The following ZNF804B variants were observed in gnomAD, a reference collection of about 807,000 sequenced individuals.
ZNF804B encodes the protein zinc finger protein 804B.
ZNF804B carries 80 observed loss-of-function variants against 101.4 expected under a neutral mutation model. That is an observed-to-expected ratio of 0.79 (90% CI 0.66 to 0.95). ZNF804B has a LOEUF of 0.95. Ranked by LOEUF, ZNF804B falls within the 40% of genes least tolerant of loss-of-function variation. The pLI, the probability that ZNF804B is intolerant of heterozygous loss-of-function variation, is 0.00. For synonymous variants in ZNF804B, 622 were observed against 558.8 expected, an observed-to-expected ratio of 1.11 and a Z score of -1.59; for missense variants, 1,673 against 1,561.9, an observed-to-expected ratio of 1.07 and a Z score of -1.20.
At chr7:88,978,476 C>A (rs1438403831) in intron 1 of ZNF804B, among the ~76,000 whole-genome samples, 2 of 151,738 alleles carry the variant, frequency 1.3e-5, no homozygotes, top group Non-Finnish European at 2.9e-5. Context: ...TTCTTTATCT[C>A]TTCTTACAGT....
chr7:89,264,093 A>G (rs1276338963), intron 2 of ZNF804B, among the ~76,000 whole-genome samples: 1 of 152,088 alleles, frequency 6.6e-6, no homozygotes, highest in Non-Finnish European at 1.5e-5. Flanking sequence ...ACATGTTTAT[A>G]TCCACAACCA....
intron 2 of ZNF804B, among the ~76,000 whole-genome samples, chr7:89,220,153 A>ATATATGTGCG (rs1788980821): frequency 1.3e-4 from 3 of 23,482 alleles, no homozygotes; most frequent in African/African-American, 6.0e-4. Flanking sequence ...GTATATACAT[A>ATATATGTGCG]TATATATACG....
intron 1 of ZNF804B, among the ~76,000 whole-genome samples, chr7:88,923,272 C>T (rs1792751099): frequency 6.6e-6 from 1 of 152,032 alleles, no homozygotes; most frequent in Admixed American, 6.6e-5. Context: ...TGCCATAGAA[C>T]TCTCTGATAA....
intron 1 of ZNF804B, among the ~76,000 whole-genome samples, chr7:89,027,244 C>CAG (rs146841345): frequency 6.8e-4 from 102 of 150,528 alleles, no homozygotes; most frequent in African/African-American, 1.5e-3. Flanking sequence ...GAAAAAAAGC[C>CAG]AGAGAGAGAG....
intron 1 of ZNF804B, among the ~76,000 whole-genome samples, chr7:89,123,117 A>G (rs1394921590): frequency 1.3e-5 from 2 of 150,050 alleles, no homozygotes; most frequent in Admixed American, 1.3e-4. Flanking sequence ...GTAAACTCCT[A>G]GAATATGTAA....
Position 89,147,083 on chromosome 7 carries a change from G to GTATATATA in ZNF804B, c.109-71060_109-71053dup, listed in dbSNP as rs147620052. On this transcript the variant is annotated intron_variant, in intron 1 of 3. Coordinates refer to ENST00000333190, the MANE Select transcript of ZNF804B (RefSeq NM_181646.5). ...TTGTATCAAAAAATAGGATAATCAGGTATATATATATATATATATTTAATG... is the reference window on the plus strand; with the variant it reads ...TTGTATCAAAAAATAGGATAATCAGGTATATATATATATATATATATATATATTTAATG... 7.5e-3 allele frequency among the ~76,000 whole-genome samples: 1,058 copies of GTATATATA among 140,156 alleles called. 17 individuals are homozygous for GTATATATA. The highest frequency in any genetic ancestry group is 0.026 in the African/African-American group (992 of 37,998). 91.9% of individuals were successfully genotyped at this position (140,156 alleles called of 152,430 possible).
intron 1 of ZNF804B, among the ~76,000 whole-genome samples, chr7:89,185,737 G>C (rs965789096): frequency 6.6e-6 from 1 of 151,998 alleles, no homozygotes; most frequent in African/African-American, 2.4e-5. Flanking sequence ...GCTTCTGCCT[G>C]TAATCCCAGC....
chr7:89,296,139 C>G (rs1023868232), intron 2 of ZNF804B, among the ~76,000 whole-genome samples: 4 of 151,934 alleles, frequency 2.6e-5, no homozygotes, highest in Non-Finnish European at 4.4e-5. Context: ...TACCTAAAAG[C>G]TATTGAAACA....
intron 1 of ZNF804B, among the ~76,000 whole-genome samples, chr7:89,187,332 A>G (rs1788389039): frequency 6.6e-6 from 1 of 152,124 alleles, no homozygotes; most frequent in Non-Finnish European, 1.5e-5. Context: ...ATTCTTTCTC[A>G]CCAGTCGATT....
intron 2 of ZNF804B, among the ~76,000 whole-genome samples, chr7:89,279,368 G>C (rs1386271084): frequency 3.3e-5 from 5 of 150,418 alleles, no homozygotes; most frequent in Admixed American, 6.7e-5. Flanking sequence ...AATTGCCCTG[G>C]CCAGAATTTC....
chr7:89,047,670 A>G (rs761435212), intron 1 of ZNF804B, among the ~76,000 whole-genome samples: 5 of 152,176 alleles, frequency 3.3e-5, no homozygotes, highest in Admixed American at 2.0e-4. Flanking sequence ...CACATGTGCA[A>G]TTGAGCTTCA....
chr7:88,842,809 A>T (rs1385827084), intron 1 of ZNF804B, among the ~76,000 whole-genome samples: 1 of 152,158 alleles, frequency 6.6e-6, no homozygotes, highest in Admixed American at 6.5e-5. Flanking sequence ...AAAGAAACTC[A>T]CCTGGTACCC....
At chr7:88,877,668 C>G (rs1469467909) in intron 1 of ZNF804B, among the ~76,000 whole-genome samples, 1 of 152,016 alleles carries the variant, frequency 6.6e-6, no homozygotes, top group Non-Finnish European at 1.5e-5. Context: ...TAGTGTCTAC[C>G]TCATAGAGTG....
At chr7:88,993,630 G>A (rs941666510) in intron 1 of ZNF804B, among the ~76,000 whole-genome samples, 6 of 151,812 alleles carry the variant, frequency 4.0e-5, no homozygotes, top group Non-Finnish European at 7.4e-5. Flanking sequence ...CAGTGCTAAC[G>A]AACAAAGAAA....
chr7:89,285,145 G>C (rs1188605474), intron 2 of ZNF804B, among the ~76,000 whole-genome samples: 1 of 152,000 alleles, frequency 6.6e-6, no homozygotes, highest in Non-Finnish European at 1.5e-5. Context: ...CTTGAGTCCT[G>C]GAGGTTGAGG....
At position 89,277,632 on chromosome 7, in the gene ZNF804B, G is replaced by A. The variant is rs541336667; in HGVS notation, c.250-49712G>A. ...TTTTGTTCTTCCGATACTTTACTGA[G>A]AATGATGATTTCCAATTTCATCCAT... is the stretch of plus-strand genomic sequence containing the variant. On this transcript the variant is annotated intron_variant, in intron 2 of 3. Transcript: ENST00000333190. Among the ~76,000 whole-genome samples the A allele has an allele frequency of 7.2e-4, 108 of 150,854 alleles. 3 individuals carry two copies. In the South Asian group the frequency reaches 0.023, roughly 32 times the overall value.
intron 1 of ZNF804B, among the ~76,000 whole-genome samples, chr7:89,153,781 A>G (rs1236136868): frequency 6.6e-6 from 1 of 152,110 alleles, no homozygotes; most frequent in Admixed American, 6.6e-5. Context: ...GTCTTCAGTT[A>G]TATCAATGCA....
intron 1 of ZNF804B, among the ~76,000 whole-genome samples, chr7:88,925,522 A>G (rs1027667970): frequency 2.0e-5 from 3 of 152,300 alleles, no homozygotes; most frequent in East Asian, 1.9e-4. Flanking sequence ...CGGTGGAAAG[A>G]CCACATGAGG....
chr7:89,004,883 CCTT>C (rs1291334150), intron 1 of ZNF804B, among the ~76,000 whole-genome samples: 1 of 151,720 alleles, frequency 6.6e-6, no homozygotes, highest in Middle Eastern at 3.2e-3. Flanking sequence ...TTTTTTCTAG[CCTT>C]CTTCTCTGTG....
Sources: gnomAD v4.1 joint callset for allele counts (sites outside exome capture counted in the v4.1 genomes callset) on GRCh38, gnomAD v4.1.1 for gene constraint, MANE v1.5 for transcripts, NCBI Gene and HGNC (gene_info 2026-07-23, HGNC 2026-07-21) for gene names.